CFAP61: variants seen among roughly 807,000 people sequenced by gnomAD.
CFAP61 encodes cilia and flagella associated protein 61.
Under a neutral mutation model 135.6 loss-of-function variants are expected in CFAP61, and 107 were observed. The ratio of observed to expected loss-of-function variants is 0.79; its 90% CI spans 0.67 to 0.93. The LOEUF (loss-of-function observed/expected upper bound fraction) is 0.93. Among genes scored for constraint, CFAP61 ranks in the 40% least tolerant of loss-of-function variants. CFAP61 has a pLI of 0.00. For synonymous variants in CFAP61, 575 were observed against 578.5 expected, an observed-to-expected ratio of 0.99 and a Z score of 0.09; for missense variants, 1,507 against 1,556.2, an observed-to-expected ratio of 0.97 and a Z score of 0.53.
chr20:20,275,030 G>GC (rs5840877), intron 21 of CFAP61, among the ~76,000 whole-genome samples: 83,088 of 151,450 alleles, frequency 0.55, 23,180 homozygotes, highest in Middle Eastern at 0.71. Flanking sequence ...GTGCTCATGG[G>GC]CATGACCATG....
At chr20:20,286,047 G>A (rs1246122303) in intron 22 of CFAP61, among the ~76,000 whole-genome samples, 4 of 143,114 alleles carry the variant, frequency 2.8e-5, no homozygotes, top group Non-Finnish European at 6.1e-5. Context: ...CTAAAATAAG[G>A]GAAATTATCC....
intron 9 of CFAP61, among the ~76,000 whole-genome samples, chr20:20,147,797 T>G (rs555065031): frequency 6.6e-6 from 1 of 152,320 alleles, no homozygotes; most frequent in African/African-American, 2.4e-5. Context: ...CATTTGCTTT[T>G]GGGGTCTTAG....
chr20:20,078,348 G>A (rs6136938), intron 6 of CFAP61, among the ~76,000 whole-genome samples: 49,847 of 151,932 alleles, frequency 0.33, 9,825 homozygotes, highest in Non-Finnish European at 0.43. Context: ...GAAAGGATCA[G>A]GTCAGGTGCA....
chr20:20,175,835 C>T (rs2054588636), intron 13 of CFAP61, among the ~76,000 whole-genome samples: 2 of 151,976 alleles, frequency 1.3e-5, no homozygotes, highest in Admixed American at 6.6e-5. Flanking sequence ...CTGGCTGGGG[C>T]TTCTGCTTTT....
At chr20:20,135,593 A>G (rs2050861150) in intron 8 of CFAP61, among the ~76,000 whole-genome samples, 1 of 152,208 alleles carries the variant, frequency 6.6e-6, no homozygotes, top group South Asian at 2.1e-4. Flanking sequence ...TAAACTGATG[A>G]CAACTTAACA....
chr20:20,246,271 A>C, intron 19 of CFAP61, 56 bp downstream of exon 19: 1 of 1,070,490 alleles, frequency 9.3e-7, no homozygotes, highest in Non-Finnish European at 1.5e-6. Context: ...CTCTGTGTGC[A>C]GTCTATTTAA....
intron 8 of CFAP61, among the ~76,000 whole-genome samples, chr20:20,131,018 T>C (rs1316849748): frequency 6.6e-6 from 1 of 151,884 alleles, no homozygotes; most frequent in Non-Finnish European, 1.5e-5. Context: ...ATCAGTTTGC[T>C]GTGTAGAAAC....
intron 3 of CFAP61, among the ~76,000 whole-genome samples, chr20:20,072,939 G>T (rs2045824690): frequency 6.6e-6 from 1 of 151,952 alleles, no homozygotes; most frequent in African/African-American, 2.4e-5. Context: ...CTTTTTTAAT[G>T]TGTCTACTAG....
intron 21 of CFAP61, chr20:20,265,407 G>T (rs766806363): frequency 1.3e-6 from 1 of 779,784 alleles, no homozygotes; most frequent in South Asian, 1.3e-5. Flanking sequence ...TGTCCTCTTG[G>T]TTCTCAGATG....
At chr20:20,127,505 C>T (rs769543321) in intron 8 of CFAP61, among the ~76,000 whole-genome samples, 14 of 151,600 alleles carry the variant, frequency 9.2e-5, no homozygotes, top group East Asian at 1.9e-4. Flanking sequence ...GGTCTAGCCA[C>T]CCAGCAAGTC....
intron 2 of CFAP61, among the ~76,000 whole-genome samples, chr20:20,058,166 CT>C (rs1346214140): frequency 5.3e-5 from 8 of 152,170 alleles, no homozygotes; most frequent in Middle Eastern, 3.2e-3. Flanking sequence ...AATTACCCCC[CT>C]GATGAATGTA....
At position 20,356,590 on chromosome 20, in the gene CFAP61, CTGGGGAGGTGGTCACACTG is replaced by C. The variant is rs1423468656; in HGVS notation, c.3514-3617_3514-3599del. ...CATAGTGTGAGGGGAGGTGGTCACA[CTGGGGAGGTGGTCACACTG>C]TGAGGGGAGGTGGTCACACTGAGAG... On this transcript the variant is annotated intron_variant, in intron 26 of 26. Coordinates refer to ENST00000245957, the MANE Select transcript of CFAP61 (RefSeq NM_015585.4). 7.3e-3 allele frequency among the ~76,000 whole-genome samples: 240 copies of C among 32,890 alleles called. 4 individuals carry two copies. The highest frequency in any genetic ancestry group is 0.043 in the East Asian group (27 of 626). The allele number at this position is 32,890 out of a possible 152,430, so 21.6% of individuals were successfully genotyped here. A position where few individuals can be genotyped will look rare whatever the true frequency, so the allele number is the denominator to read the frequency against.
At chr20:20,156,406 G>A (rs1279895359) in intron 9 of CFAP61, among the ~76,000 whole-genome samples, 1 of 152,134 alleles carries the variant, frequency 6.6e-6, no homozygotes, top group East Asian at 1.9e-4. Flanking sequence ...GGTTATTTTT[G>A]AAAAACTTAC....
At position 20,308,904 on chromosome 20, in the gene CFAP61, G is replaced by A. The variant is rs76188151; in HGVS notation, c.3422+10518G>A. ...AGTTTAAAATAATAGCTGATGAGCC[G>A]TGGTTATCTTTAAGGCTACTAAGCT... On this transcript the variant is annotated intron_variant, in intron 25 of 26. Transcript: ENST00000245957. Among the ~76,000 whole-genome samples, 645 of 152,308 alleles carry A rather than the reference G, an allele frequency of 4.2e-3. 1 individual carries two copies. Among genetic ancestry groups the A allele is most frequent in the African/African-American group, 0.014 (597 of 41,562 alleles).
chr20:20,299,072 T>C (rs1428614768), intron 25 of CFAP61, among the ~76,000 whole-genome samples: 4 of 152,218 alleles, frequency 2.6e-5, no homozygotes, highest in African/African-American at 9.7e-5. Flanking sequence ...AGATGTGGAA[T>C]GAAAACCATG....
rs181180786 is a variant in CFAP61, at chr20:20,286,500, A to G, written c.2797-2109A>G. Reference sequence around the variant, plus strand: ...GAAGTTTATCAGACTACTGACTCCCACCCTTCTCCCTAGCTAACCAAGGAG... The same window carrying G: ...GAAGTTTATCAGACTACTGACTCCCGCCCTTCTCCCTAGCTAACCAAGGAG... On this transcript the variant is annotated intron_variant, in intron 22 of 26. Coordinates refer to ENST00000245957, the MANE Select transcript of CFAP61 (RefSeq NM_015585.4). Among the ~76,000 whole-genome samples, 232 of 152,298 alleles carry G rather than the reference A, an allele frequency of 1.5e-3. 1 individual carries two copies. The highest frequency in any genetic ancestry group is 2.1e-3 in the Non-Finnish European group (143 of 68,024).
intron 6 of CFAP61, among the ~76,000 whole-genome samples, chr20:20,076,488 A>G (rs377059059): frequency 1.3e-5 from 2 of 152,216 alleles, no homozygotes; most frequent in Non-Finnish European, 2.9e-5. Flanking sequence ...GATCGCAGCC[A>G]CATGACAGAC....
intron 22 of CFAP61, 127 bp from the exon 23 acceptor site, chr20:20,288,481 GA>G: frequency 1.4e-6 from 1 of 729,330 alleles, no homozygotes; most frequent in South Asian, 1.7e-5. Flanking sequence ...CAAACAACAT[GA>G]TAGCAAACTT....
chr20:20,091,581 A>G (rs1400625459), intron 7 of CFAP61, among the ~76,000 whole-genome samples: 2 of 152,042 alleles, frequency 1.3e-5, no homozygotes, highest in Non-Finnish European at 2.9e-5. Flanking sequence ...TTTACCTGTA[A>G]GTATTTCAAT....
Sources: allele counts gnomAD v4.1 joint callset (sites outside exome capture counted in the v4.1 genomes callset), GRCh38; gene constraint gnomAD v4.1.1; transcripts MANE v1.5; gene names NCBI Gene and HGNC (gene_info 2026-07-23, HGNC 2026-07-21).